The following ESR1 variants were observed in gnomAD, a reference collection of about 807,000 sequenced individuals.
ESR1 encodes estrogen receptor.
A neutral mutation model predicts 52.7 loss-of-function variants in ESR1; 12 were observed. The ratio of observed to expected loss-of-function variants is 0.23; its 90% CI spans 0.15 to 0.37. The LOEUF (loss-of-function observed/expected upper bound fraction) is 0.37, where lower values mean the gene tolerates loss of function less well. ESR1 is among the 10% of genes least tolerant of loss of function. ESR1 has a pLI of 1.00. For synonymous variants in ESR1, 305 were observed against 316.8 expected (o/e 0.96, Z 0.39); for missense variants, 584 against 779.7 (o/e 0.75, Z 2.99).
At chr6:151,966,907 C>T (rs561559431) in intron 4 of ESR1, among the ~76,000 whole-genome samples, 1 of 152,292 alleles carries the variant, frequency 6.6e-6, no homozygotes, top group South Asian at 2.1e-4. Context: ...CTATCCCTCA[C>T]TTCCAAATGA....
intron 2 of ESR1, among the ~76,000 whole-genome samples, chr6:151,873,472 A>G (rs1791314821): frequency 6.6e-6 from 1 of 152,174 alleles, no homozygotes; most frequent in Non-Finnish European, 1.5e-5. Flanking sequence ...CCAGATAGGA[A>G]GTGAGCACAA....
chr6:151,668,789 T>C (rs957644031), intron 1 of ESR1, among the ~76,000 whole-genome samples: 1 of 152,148 alleles, frequency 6.6e-6, no homozygotes, highest in African/African-American at 2.4e-5. Flanking sequence ...TTGGTTTTCC[T>C]GTTAAAGATT....
intron 2 of ESR1, among the ~76,000 whole-genome samples, chr6:151,851,063 C>T (rs942528765): frequency 2.6e-5 from 4 of 152,168 alleles, no homozygotes; most frequent in Non-Finnish European, 4.4e-5. Flanking sequence ...TGGAATGGTC[C>T]TTAAACAAGA....
At chr6:152,128,137 T>G (rs2054170534) in exon 7 of ESR1, 1 of 152,218 alleles carries the variant, frequency 6.6e-6, no homozygotes, top group South Asian at 2.1e-4. Context: ...AGTAGTGTTT[T>G]GAAGAATTAA....
At chr6:151,721,954 G>A (rs949722938) in intron 2 of ESR1, among the ~76,000 whole-genome samples, 4 of 152,252 alleles carry the variant, frequency 2.6e-5, no homozygotes, top group Non-Finnish European at 5.9e-5. Flanking sequence ...CCACAGACAA[G>A]TAAACTAGTC....
chr6:152,031,243 G>A (rs1015077846), intron 5 of ESR1, among the ~76,000 whole-genome samples: 13 of 152,160 alleles, frequency 8.5e-5, no homozygotes, highest in Admixed American at 5.9e-4. Flanking sequence ...AGAAGCAAGA[G>A]CAAACACGTT....
At position 151,876,301 on chromosome 6, in the gene ESR1, C is replaced by T. The variant is rs138537763; in HGVS notation, c.644-4354C>T. ...TCTGTCTGGGGCACATCCATCTTGA[C>T]GAGTGTGAGAGAGTCAAGTCTTGAT... On this transcript the variant is annotated intron_variant, in intron 2 of 7. Coordinates refer to ENST00000206249, the MANE Select transcript of ESR1 (RefSeq NM_000125.4). 3.4e-4 allele frequency among the ~76,000 whole-genome samples: 52 copies of T among 152,006 alleles called. No homozygotes were observed. In the East Asian group the frequency reaches 9.5e-3, roughly 28 times the overall value.
rs111523301 is a variant in ESR1, at chr6:152,092,733, G to C, written c.1370-1652G>C. ...GATGGAGCTTATTGCTGCAGTGTTA[G>C]AAAATGCATCCTTGTAGTCCCAAAA... On this transcript the variant is annotated intron_variant, in intron 6 of 7. Transcript: ENST00000206249. 6.9e-3 allele frequency among the ~76,000 whole-genome samples: 1,050 copies of C among 152,284 alleles called. 12 individuals carry two copies. Among genetic ancestry groups the C allele is most frequent in the African/African-American group, 0.024 (994 of 41,566 alleles).
intron 3 of ESR1, among the ~76,000 whole-genome samples, chr6:151,901,266 C>A (rs1796642238): frequency 6.6e-6 from 1 of 152,180 alleles, no homozygotes; most frequent in Non-Finnish European, 1.5e-5. Flanking sequence ...CCCTTGCAAC[C>A]CCCAAAACCG....
intron 4 of ESR1, among the ~76,000 whole-genome samples, chr6:151,974,257 G>A (rs1164276132): frequency 6.6e-6 from 1 of 152,140 alleles, no homozygotes; most frequent in Admixed American, 6.5e-5. Flanking sequence ...TAAGAGTGGC[G>A]CCAACTCTTA....
At chr6:152,041,188 G>T (rs991815930) in intron 5 of ESR1, among the ~76,000 whole-genome samples, 1 of 152,106 alleles carries the variant, frequency 6.6e-6, no homozygotes, top group Admixed American at 6.5e-5. Context: ...TGACCTATAG[G>T]GGCCTGCCAA....
chr6:151,811,788 T>C (rs930630767), intron 1 of ESR1, among the ~76,000 whole-genome samples: 2 of 152,196 alleles, frequency 1.3e-5, no homozygotes, highest in Non-Finnish European at 2.9e-5. Context: ...CTAAGAATAG[T>C]CCAGAGTCAC....
chr6:152,034,427 CTTTT>C (rs1254224636), intron 5 of ESR1, among the ~76,000 whole-genome samples: 3 of 152,026 alleles, frequency 2.0e-5, no homozygotes, highest in Non-Finnish European at 4.4e-5. Context: ...TCCTTTCATT[CTTTT>C]GTTTTAATTT....
intron 2 of ESR1, among the ~76,000 whole-genome samples, chr6:151,759,888 C>T (rs917345106): frequency 1.3e-5 from 2 of 152,106 alleles, no homozygotes; most frequent in East Asian, 1.9e-4. Flanking sequence ...AAAGTAACTG[C>T]GGTTTTTGCC....
At chr6:151,863,692 G>A (rs1789308425) in intron 2 of ESR1, among the ~76,000 whole-genome samples, 1 of 152,028 alleles carries the variant, frequency 6.6e-6, no homozygotes, top group South Asian at 2.1e-4. Context: ...TGAATAGGAT[G>A]GTACTGGTAC....
chr6:151,995,536 A>C (rs1238567281), intron 4 of ESR1, among the ~76,000 whole-genome samples: 1 of 152,224 alleles, frequency 6.6e-6, no homozygotes, highest in African/African-American at 2.4e-5. Context: ...TAAGATATAC[A>C]TCAGATATTT....
intron 5 of ESR1, among the ~76,000 whole-genome samples, chr6:152,041,198 A>G (rs2045766110): frequency 6.6e-6 from 1 of 152,150 alleles, no homozygotes; most frequent in Non-Finnish European, 1.5e-5. Context: ...GGGCCTGCCA[A>G]GGGCTCCAAA....
At chr6:151,874,835 G>A (rs1791546831) in intron 2 of ESR1, among the ~76,000 whole-genome samples, 1 of 152,162 alleles carries the variant, frequency 6.6e-6, no homozygotes, top group African/African-American at 2.4e-5. Context: ...GGTGAATGGG[G>A]AGATGATTCA....
At chr6:152,027,104 T>TA (rs1281712389) in intron 5 of ESR1, among the ~76,000 whole-genome samples, 1 of 151,952 alleles carries the variant, frequency 6.6e-6, no homozygotes, top group East Asian at 1.9e-4. Flanking sequence ...GTACCTGGGA[T>TA]TACAGGCATC....
Sources: gnomAD v4.1 joint callset for allele counts (sites outside exome capture counted in the v4.1 genomes callset) on GRCh38, gnomAD v4.1.1 for gene constraint, MANE v1.5 for transcripts, NCBI Gene and HGNC (gene_info 2026-07-23, HGNC 2026-07-21) for gene names.